The following STYX variants were observed in gnomAD, a reference collection of about 807,000 sequenced individuals.
STYX encodes serine/threonine/tyrosine interacting protein.
STYX carries 20 observed loss-of-function variants against 42.7 expected under a neutral mutation model. That is an observed-to-expected ratio of 0.47 (90% confidence interval 0.33 to 0.68). The LOEUF is 0.68. Among genes scored for constraint, STYX ranks in the 30% least tolerant of loss-of-function variants. The pLI is 0.02. For missense variants in STYX, 226 were observed against 268.5 expected (o/e 0.84, Z 1.11); for synonymous variants, 78 against 81.9 (o/e 0.95, Z 0.26).
chr14:52,756,329 A>T (rs79613253), intron 4 of STYX, among the ~76,000 whole-genome samples: 2 of 152,036 alleles, frequency 1.3e-5, no homozygotes, highest in Non-Finnish European at 2.9e-5. Flanking sequence ...GCCCAGCCTG[A>T]TGGATTTTTT....
Position 52,730,593 on chromosome 14 carries a change from C to A in STYX, c.57+62C>A, listed in dbSNP as rs2277492. Reference sequence around the variant, plus strand: ...CCCTGTGGCTCCGGCCGAGGGGCGACCCCAGTCCCCAACCGTCTTAGCCGC... The same window carrying A: ...CCCTGTGGCTCCGGCCGAGGGGCGAACCCAGTCCCCAACCGTCTTAGCCGC... On this transcript the variant is annotated intron_variant, in intron 1 of 10. Transcript: ENST00000354586. 5.1e-4 allele frequency: 804 copies of A among 1,564,436 alleles called. 14 individuals carry two copies. In the East Asian group the frequency reaches 0.012, roughly 24 times the overall value.
At chr14:52,744,928 CATA>C (rs772261801) in intron 2 of STYX, 44 bp downstream of exon 2, 2 of 1,590,074 alleles carry the variant, frequency 1.3e-6, no homozygotes, top group South Asian at 1.1e-5. Flanking sequence ...ATGTTATTAT[CATA>C]ATAAGAACCT....
At position 52,744,830 on chromosome 14, in the gene STYX, ATTC is replaced by A. The variant is rs1299401593; in HGVS notation, c.58-19_58-17del. The A allele has an allele frequency of 1.2e-6, 2 of 1,611,350 alleles. No individual in the cohort carries two copies. Among genetic ancestry groups the A allele is most frequent in the Admixed American group, 1.7e-5 (1 of 59,718 alleles). ...GACTTTTTAAATGTTATCTACTTTT[ATTC>A]TTATGTTTTCCTTCCCAGGAGTGGA... is the stretch of plus-strand genomic sequence containing the variant. On this transcript the variant is annotated intron_variant, in intron 1 of 10. Coordinates refer to ENST00000354586, the MANE Select transcript of STYX (RefSeq NM_145251.4).
intron 1 of STYX, among the ~76,000 whole-genome samples, chr14:52,734,037 C>T (rs116445947): frequency 2.2e-3 from 335 of 152,252 alleles, no homozygotes; most frequent in African/African-American, 7.7e-3. Flanking sequence ...GCCAGACCCA[C>T]CCCCACATCA....
chr14:52,749,842 C>T (rs191250626), intron 3 of STYX, among the ~76,000 whole-genome samples: 25 of 152,304 alleles, frequency 1.6e-4, no homozygotes, highest in Admixed American at 1.2e-3. Flanking sequence ...GTCAGCATGA[C>T]AGCACAAGTG....
At chr14:52,736,872 T>C (rs10483618) in intron 1 of STYX, among the ~76,000 whole-genome samples, 16,053 of 152,220 alleles carry the variant, frequency 0.11, 902 homozygotes, top group South Asian at 0.15. Flanking sequence ...TCTCTTTTTA[T>C]TTGAGTGAAA....
At chr14:52,761,881 C>A (rs1882108756) in intron 9 of STYX, among the ~76,000 whole-genome samples, 2 of 143,956 alleles carry the variant, frequency 1.4e-5, no homozygotes, top group Non-Finnish European at 3.0e-5. Context: ...CCTGTCTCTA[C>A]TAAAATTACA....
In STYX at chr14:52,739,963, AT is replaced by A. The variant is rs1881121568; in HGVS notation, c.58-4887del. On this transcript the variant is annotated intron_variant, in intron 1 of 10. Coordinates refer to ENST00000354586, the MANE Select transcript of STYX (RefSeq NM_145251.4). ...GGCTAAAAAACTCATATATAAAAAGATTACCATAACACATTGGTAAGTTAAA... is the reference window on the plus strand; with the variant it reads ...GGCTAAAAAACTCATATATAAAAAGATACCATAACACATTGGTAAGTTAAA... Among the ~76,000 whole-genome samples, 3 of 152,072 alleles carry A rather than the reference AT, an allele frequency of 2.0e-5. No homozygotes were observed. The South Asian group carries it at 6.2e-4, about 31-fold the overall frequency.
chr14:52,764,420 A>G (rs2139931982), intron 9 of STYX, among the ~76,000 whole-genome samples: 1 of 152,216 alleles, frequency 6.6e-6, no homozygotes, highest in African/African-American at 2.4e-5. Flanking sequence ...TTGATTTTAG[A>G]TGCTTTTCCT....
chr14:52,744,973 A>G, intron 2 of STYX, 89 bp downstream of exon 2: 1 of 1,102,858 alleles, frequency 9.1e-7, no homozygotes, highest in Non-Finnish European at 1.3e-6. Context: ...TGCTGATTTC[A>G]TGATCTGTAG....
chr14:52,751,267 T>C (rs1009227577), intron 4 of STYX, among the ~76,000 whole-genome samples: 1 of 152,306 alleles, frequency 6.6e-6, no homozygotes, highest in South Asian at 2.1e-4. Flanking sequence ...TATATCAAAC[T>C]GCTTATTCTT....
At chr14:52,745,027 G>T in intron 2 of STYX, 143 bp downstream of exon 2, 2 of 630,640 alleles carry the variant, frequency 3.2e-6, no homozygotes, top group Non-Finnish European at 4.8e-6. Context: ...AATATTTAAG[G>T]TTAATCTTGG....
intron 4 of STYX, 95 bp from the exon 5 acceptor site, chr14:52,756,456 C>T: frequency 4.1e-6 from 3 of 729,648 alleles, no homozygotes; most frequent in Non-Finnish European, 6.9e-6. Flanking sequence ...GTTTTGCATT[C>T]TTGCCATGGT....
chr14:52,746,809 T>C (rs1393176135), intron 3 of STYX, among the ~76,000 whole-genome samples: 2 of 152,224 alleles, frequency 1.3e-5, no homozygotes, highest in Admixed American at 1.3e-4. Context: ...CAATATGAGA[T>C]GTAGTTAAAG....
chr14:52,754,090 A>G (rs910038338), intron 4 of STYX, among the ~76,000 whole-genome samples: 5 of 151,664 alleles, frequency 3.3e-5, no homozygotes, highest in Non-Finnish European at 7.4e-5. Context: ...GGGTTTCACC[A>G]TGTTGGTCAG....
At chr14:52,731,305 A>G (rs1286743248) in intron 1 of STYX, among the ~76,000 whole-genome samples, 2 of 152,200 alleles carry the variant, frequency 1.3e-5, no homozygotes, top group South Asian at 2.1e-4. Flanking sequence ...TAGGATTAAG[A>G]AAGAAAATCT....
chr14:52,756,781 G>A (rs989621645), intron 5 of STYX, among the ~76,000 whole-genome samples, 170 bp downstream of exon 5: 2 of 144,414 alleles, frequency 1.4e-5, no homozygotes, highest in Non-Finnish European at 3.0e-5. Context: ...TCTGCTTCCC[G>A]GGTTCAAGTG....
At chr14:52,766,149 A>G (rs1053060586) in intron 9 of STYX, among the ~76,000 whole-genome samples, 18 of 152,004 alleles carry the variant, frequency 1.2e-4, no homozygotes, top group South Asian at 2.1e-4. Context: ...GGTGCACACT[A>G]TCACACCTGG....
chr14:52,753,354 T>A (rs1881708678), intron 4 of STYX, among the ~76,000 whole-genome samples: 1 of 151,746 alleles, frequency 6.6e-6, no homozygotes, highest in Non-Finnish European at 1.5e-5. Context: ...CCTGGCCTAA[T>A]TTTTGTATTT....
Sources: gnomAD v4.1 joint callset for allele counts (sites outside exome capture counted in the v4.1 genomes callset) on GRCh38, gnomAD v4.1.1 for gene constraint, MANE v1.5 for transcripts, NCBI Gene and HGNC (gene_info 2026-07-23, HGNC 2026-07-21) for gene names.